Variants in LHCGR observed in about 807,000 individuals in gnomAD.
LHCGR encodes the protein lutropin-choriogonadotropic hormone receptor.
LHCGR carries 55 observed loss-of-function variants against 60.7 expected under a neutral mutation model. That is an observed-to-expected ratio of 0.91 (90% CI 0.73 to 1.13). The LOEUF is 1.13. Among genes scored for constraint, LHCGR ranks in the 50% most tolerant of loss-of-function variants. The probability of loss-of-function intolerance (pLI) is 0.00; values close to 1 mark genes in which losing one functional copy is unlikely to be tolerated. For synonymous variants in LHCGR, 337 were observed against 316.5 expected, an observed-to-expected ratio of 1.06 and a Z score of -0.69; for missense variants, 862 against 836.0, an observed-to-expected ratio of 1.03 and a Z score of -0.38.
chr2:48,704,002 T>C (rs940764066), intron 8 of LHCGR, among the ~76,000 whole-genome samples: 4 of 152,180 alleles, frequency 2.6e-5, no homozygotes, highest in Non-Finnish European at 4.4e-5. Context: ...TTTGCCCATT[T>C]GGTATGATAT....
chr2:48,747,427 GC>G (rs565315446), intron 1 of LHCGR, among the ~76,000 whole-genome samples: 187 of 152,240 alleles, frequency 1.2e-3, no homozygotes, highest in Non-Finnish European at 1.9e-3. Flanking sequence ...TGGCCTGTGT[GC>G]CTTCACTTTT....
chr2:48,714,409 C>T (rs1304123568), intron 6 of LHCGR, among the ~76,000 whole-genome samples: 1 of 151,800 alleles, frequency 6.6e-6, no homozygotes, highest in African/African-American at 2.4e-5. Context: ...TCTGGTTTTG[C>T]AGGCCGGTGT....
intron 1 of LHCGR, chr2:48,733,178 A>G (rs4637174): frequency 0.38 from 130,323 of 343,366 alleles, 27,991 homozygotes; most frequent in African/African-American, 0.7. Flanking sequence ...ATTGCTGGGG[A>G]TAATGCAGTG....
chr2:48,736,436 G>C (rs1436889363), intron 1 of LHCGR, among the ~76,000 whole-genome samples: 1 of 152,176 alleles, frequency 6.6e-6, no homozygotes, highest in Non-Finnish European at 1.5e-5. Context: ...TCAGAGTCCA[G>C]TGACAGGAAA....
Position 48,690,248 on chromosome 2 carries a change from A to G in LHCGR, c.948-1399T>C, listed in dbSNP as rs557756807. 9.2e-5 allele frequency among the ~76,000 whole-genome samples: 14 copies of G among 152,316 alleles called. No homozygotes were observed. The South Asian group carries it at 2.5e-3, about 27-fold the overall frequency. On this transcript the variant is annotated intron_variant, in intron 10 of 10. Coordinates refer to ENST00000294954, the MANE Select transcript of LHCGR (RefSeq NM_000233.4). ...GCCCTCCTTGGTCTGGGTTCTGCCT[A>G]TCTCTCCAACCTCATCTCTAAGAAG...
chr2:48,704,365 A>T (rs1236147322), intron 8 of LHCGR, among the ~76,000 whole-genome samples: 4 of 151,864 alleles, frequency 2.6e-5, no homozygotes, highest in African/African-American at 9.7e-5. Flanking sequence ...TTTGTGGTGT[A>T]CTCTGCCAGG....
chr2:48,737,952 G>A (rs1558884684), intron 1 of LHCGR, among the ~76,000 whole-genome samples: 1 of 152,220 alleles, frequency 6.6e-6, no homozygotes. Flanking sequence ...CTGGACTAAA[G>A]CATTGGTTTC....
rs370084350 is a variant in LHCGR at position 48,741,235 on chromosome 2, G to A, written c.162-9937C>T. Among the ~76,000 whole-genome samples the A allele has an allele frequency of 6.8e-3, 1,032 of 152,256 alleles. 17 individuals are homozygous for A. The highest frequency in any genetic ancestry group is 0.024 in the African/African-American group (989 of 41,516). On this transcript the variant is annotated intron_variant, in intron 1 of 10. Coordinates refer to ENST00000294954, the MANE Select transcript of LHCGR (RefSeq NM_000233.4). ...TCTGATTGGTGTACCTGAAAGTGACGGGGAGAATGGAACCAAGTTGGAAAA... is the reference window on the plus strand; with the variant it reads ...TCTGATTGGTGTACCTGAAAGTGACAGGGAGAATGGAACCAAGTTGGAAAA...
chr2:48,710,279 A>G (rs141986816), intron 7 of LHCGR, among the ~76,000 whole-genome samples: 1 of 152,340 alleles, frequency 6.6e-6, no homozygotes, highest in Non-Finnish European at 1.5e-5. Context: ...TGTTTAAAAT[A>G]TAAATCAAAA....
rs1246573045 is a variant in LHCGR, at chr2:48,687,991, G to C, written c.1806C>G (p.Thr602=). 6.2e-7 allele frequency: 1 copy of C among 1,614,006 alleles called. No homozygotes were observed. The highest frequency in any genetic ancestry group is 1.3e-5 in the African/African-American group (1 of 74,916). ...AAAGAACCAGTAAAACTTTAGAGTT[G>C]GTTACTGTGATAAGAGGTACTTTGA... ...AAFKVPLITV[T]NSKVLLVLFY... The change falls in exon 11 of 11, where the codon ACC becomes ACG. Residue 602 remains threonine, a synonymous_variant. Coordinates refer to ENST00000294954, the MANE Select transcript of LHCGR (RefSeq NM_000233.4).
chr2:48,692,903 C>G (rs1311102638), intron 10 of LHCGR, among the ~76,000 whole-genome samples: 3 of 152,210 alleles, frequency 2.0e-5, no homozygotes, highest in Admixed American at 6.5e-5. Context: ...TTTGGAGATG[C>G]TAGAGATTAG....
chr2:48,690,754 A>G (rs960150374), intron 10 of LHCGR, among the ~76,000 whole-genome samples: 1 of 152,232 alleles, frequency 6.6e-6, no homozygotes, highest in African/African-American at 2.4e-5. Context: ...CTCCTGCCAG[A>G]GCTGCACTTA....
intron 6 of LHCGR, 45 bp from the exon 7 acceptor site, chr2:48,714,099 G>T: frequency 7.9e-6 from 11 of 1,393,618 alleles, no homozygotes; most frequent in Non-Finnish European, 1.1e-5. Context: ...GAAACTGAAA[G>T]AAACAGTTTG....
intron 1 of LHCGR, among the ~76,000 whole-genome samples, chr2:48,738,983 T>A (rs1239914756): frequency 1.3e-5 from 2 of 152,254 alleles, no homozygotes; most frequent in African/African-American, 4.8e-5. Context: ...TTGTACTTCC[T>A]GAACTTGACT....
intron 3 of LHCGR, among the ~76,000 whole-genome samples, chr2:48,726,538 G>C (rs113209902): frequency 9.9e-5 from 15 of 152,274 alleles, no homozygotes; most frequent in African/African-American, 3.6e-4. Context: ...TCTACAAAAA[G>C]TAGTCACCAT....
chr2:48,705,837 C>G (rs1667638439), intron 8 of LHCGR, among the ~76,000 whole-genome samples: 1 of 152,056 alleles, frequency 6.6e-6, no homozygotes, highest in Admixed American at 6.6e-5. Context: ...TGGGTCTTGA[C>G]TCGTTATCCA....
intron 8 of LHCGR, among the ~76,000 whole-genome samples, chr2:48,699,490 A>G (rs1165381139): frequency 1.3e-5 from 2 of 152,168 alleles, no homozygotes; most frequent in Non-Finnish European, 2.9e-5. Flanking sequence ...ACATGCAGTT[A>G]CATCAGCTTT....
intron 1 of LHCGR, among the ~76,000 whole-genome samples, chr2:48,751,821 T>G (rs1452646889): frequency 6.6e-6 from 1 of 152,222 alleles, no homozygotes; most frequent in Non-Finnish European, 1.5e-5. Flanking sequence ...CTGGATTATG[T>G]CTTCAACAAA....
At chr2:48,739,927 T>C (rs1036896325) in intron 1 of LHCGR, among the ~76,000 whole-genome samples, 1 of 152,118 alleles carries the variant, frequency 6.6e-6, no homozygotes, top group African/African-American at 2.4e-5. Context: ...CCATCTGAGG[T>C]ACCAGGTTCA....
Sources: allele counts gnomAD v4.1 joint callset (sites outside exome capture counted in the v4.1 genomes callset), GRCh38; gene constraint gnomAD v4.1.1; transcripts MANE v1.5; gene names NCBI Gene and HGNC (gene_info 2026-07-23, HGNC 2026-07-21).